DNAH8: variants seen among roughly 807,000 people sequenced by gnomAD.
DNAH8 encodes dynein axonemal heavy chain 8, also known as axonemal beta dynein heavy chain 8.
Under a neutral mutation model 562.1 loss-of-function variants are expected in DNAH8, and 382 were observed. That is an observed-to-expected ratio of 0.68 (90% CI 0.63 to 0.74). The LOEUF is 0.74. Among genes scored for constraint, DNAH8 ranks in the 30% least tolerant of loss-of-function variants. The pLI is 0.00. For missense variants in DNAH8, 5,203 were observed against 5,620.4 expected, an observed-to-expected ratio of 0.93 and a Z score of 2.37; for synonymous variants, 1,881 against 1,919.4, an observed-to-expected ratio of 0.98 and a Z score of 0.52.
At chr6:38,829,487 A>G (rs1773649875) in intron 30 of DNAH8, among the ~76,000 whole-genome samples, 1 of 152,170 alleles carries the variant, frequency 6.6e-6, no homozygotes, top group Non-Finnish European at 1.5e-5. Context: ...TTGATTTCTG[A>G]TACATTTTGA....
chr6:38,875,450 G>A (rs891807440), intron 52 of DNAH8, 141 bp from the exon 53 acceptor site: 9 of 550,370 alleles, frequency 1.6e-5, no homozygotes, highest in Admixed American at 6.9e-5. Flanking sequence ...GCTGTTGGCT[G>A]TAGGACGGTG....
chr6:38,869,278 A>G (rs1331801064), intron 48 of DNAH8, among the ~76,000 whole-genome samples: 1 of 152,118 alleles, frequency 6.6e-6, no homozygotes, highest in Non-Finnish European at 1.5e-5. Flanking sequence ...CCCCATAATC[A>G]CCATCAGCTG....
In DNAH8 at chr6:38,924,173, C is replaced by T; in HGVS notation, c.10962+11C>T. 6.2e-7 allele frequency: 1 copy of T among 1,611,590 alleles called. No homozygotes were observed. The highest frequency in any genetic ancestry group is 8.5e-7 in the Non-Finnish European group (1 of 1,178,620). ...GTGGATCCTCCAACTGTAAGTTTTA[C>T]TTTCCCAATGTTATTTGAATTTCAG... On this transcript the variant is annotated intron_variant, in intron 73 of 92. Coordinates refer to ENST00000327475, the MANE Select transcript of DNAH8 (RefSeq NM_001206927.2).
At chr6:39,013,171 T>A (rs2150774710) in intron 91 of DNAH8, among the ~76,000 whole-genome samples, 1 of 152,354 alleles carries the variant, frequency 6.6e-6, no homozygotes, top group South Asian at 2.1e-4. Flanking sequence ...CTTCTAGAAA[T>A]GTTTACTGAG....
intron 71 of DNAH8, among the ~76,000 whole-genome samples, chr6:38,922,070 G>C (rs917689861): frequency 1.5e-5 from 1 of 67,250 alleles, no homozygotes; most frequent in Non-Finnish European, 4.9e-5. Flanking sequence ...TTCTTTTGTG[G>C]TGGAATGTCA....
intron 85 of DNAH8, among the ~76,000 whole-genome samples, chr6:38,978,285 G>A (rs1375112550): frequency 3.9e-5 from 6 of 152,092 alleles, no homozygotes; most frequent in African/African-American, 1.4e-4. Flanking sequence ...AATAAAAGGG[G>A]CCCTATCAAT....
At chr6:38,716,445 C>T (rs1468035531) in intron 1 of DNAH8, 1 of 152,178 alleles carries the variant, frequency 6.6e-6, no homozygotes, top group Non-Finnish European at 1.5e-5. Context: ...GCCACTGTTC[C>T]CACCTTCTGC....
At chr6:38,875,552 T>G in intron 52 of DNAH8, 39 bp from the exon 53 acceptor site, 1 of 1,254,874 alleles carries the variant, frequency 8.0e-7, no homozygotes, top group Non-Finnish European at 1.1e-6. Context: ...ATTTTCAAAA[T>G]TTTAATTTAA....
At chr6:38,717,468 T>C (rs1310405443) in intron 1 of DNAH8, among the ~76,000 whole-genome samples, 1 of 151,860 alleles carries the variant, frequency 6.6e-6, no homozygotes, top group Non-Finnish European at 1.5e-5. Context: ...GGACTACAGG[T>C]GCACGCCACC....
chr6:39,005,813 T>G (rs566930455), intron 88 of DNAH8, among the ~76,000 whole-genome samples: 1 of 152,246 alleles, frequency 6.6e-6, no homozygotes, highest in Non-Finnish European at 1.5e-5. Context: ...CCAGTGTAAT[T>G]GTTATTTCTT....
At chr6:38,755,853 A>G in intron 9 of DNAH8, 119 bp from the exon 10 acceptor site, 4 of 631,400 alleles carry the variant, frequency 6.3e-6, no homozygotes, top group Non-Finnish European at 8.3e-6. Flanking sequence ...GTAAAATTTG[A>G]CTTTAAGCTA....
chr6:39,021,465 G>T (rs1374264705), intron 91 of DNAH8, among the ~76,000 whole-genome samples: 1 of 152,202 alleles, frequency 6.6e-6, no homozygotes, highest in African/African-American at 2.4e-5. Context: ...TGGGAATTGG[G>T]AGTTTTAGAA....
intron 91 of DNAH8, among the ~76,000 whole-genome samples, chr6:39,021,222 G>A (rs1319588779): frequency 6.6e-6 from 1 of 152,214 alleles, no homozygotes; most frequent in Non-Finnish European, 1.5e-5. Flanking sequence ...TTGCTACCCA[G>A]TATGTGGTCC....
At chr6:38,898,413 A>G in intron 61 of DNAH8, 33 bp downstream of exon 61, 9 of 1,497,956 alleles carry the variant, frequency 6.0e-6, no homozygotes, top group Non-Finnish European at 7.1e-6. Context: ...TGATATAAAT[A>G]GATGATTTAA....
At chr6:38,992,069 G>A (rs1349361566) in intron 88 of DNAH8, among the ~76,000 whole-genome samples, 3 of 152,066 alleles carry the variant, frequency 2.0e-5, no homozygotes, top group East Asian at 1.9e-4. Context: ...AGGTTCAAGC[G>A]ATTCTCCTGC....
intron 91 of DNAH8, among the ~76,000 whole-genome samples, chr6:39,020,374 C>T (rs762973894): frequency 3.3e-5 from 5 of 152,136 alleles, no homozygotes; most frequent in Non-Finnish European, 5.9e-5. Flanking sequence ...GAGCTTTTTA[C>T]GGGGCAGTGG....
chr6:38,850,017 C>A (rs1319803278), intron 37 of DNAH8, among the ~76,000 whole-genome samples: 5 of 151,972 alleles, frequency 3.3e-5, no homozygotes, highest in Non-Finnish European at 5.9e-5. Context: ...TGCAATGAAA[C>A]AAATAAGCAA....
At chr6:39,018,893 A>G (rs1393010728) in intron 91 of DNAH8, among the ~76,000 whole-genome samples, 1 of 152,214 alleles carries the variant, frequency 6.6e-6, no homozygotes, top group Non-Finnish European at 1.5e-5. Context: ...TCAGTGGAAT[A>G]GGTGGGGAGG....
intron 30 of DNAH8, 100 bp downstream of exon 30, chr6:38,828,388 C>G: frequency 3.3e-6 from 2 of 610,626 alleles, no homozygotes; most frequent in Non-Finnish European, 5.5e-6. Flanking sequence ...AGTCATGTGC[C>G]ACATAACAAT....
Sources: gnomAD v4.1 joint callset for allele counts (sites outside exome capture counted in the v4.1 genomes callset) on GRCh38, gnomAD v4.1.1 for gene constraint, MANE v1.5 for transcripts, NCBI Gene and HGNC (gene_info 2026-07-23, HGNC 2026-07-21) for gene names.